Variants in ATXN7 observed in about 807,000 individuals in gnomAD.
ATXN7 encodes the protein ataxin 7, also known as ataxin-7.
A neutral mutation model predicts 70.5 loss-of-function variants in ATXN7; 12 were observed. The observed-to-expected ratio is 0.17, with a 90% CI of 0.11 to 0.28. The LOEUF is 0.28. ATXN7 is among the 10% of genes least tolerant of loss of function. The probability of loss-of-function intolerance (pLI) is 1.00; values close to 1 mark genes in which losing one functional copy is unlikely to be tolerated. For synonymous variants in ATXN7, 498 were observed against 448.7 expected (o/e 1.11, Z -1.39); for missense variants, 1,256 against 1,131.7 (o/e 1.11, Z -1.58).
intron 2 of ATXN7, among the ~76,000 whole-genome samples, chr3:63,902,665 A>G (rs2107272368): frequency 6.6e-6 from 1 of 152,112 alleles, no homozygotes; most frequent in Middle Eastern, 3.4e-3. Flanking sequence ...AGCACCATAT[A>G]CTCCATGAGG....
intron 4 of ATXN7, among the ~76,000 whole-genome samples, chr3:63,933,942 AG>A (rs2074609736): frequency 6.6e-6 from 1 of 151,278 alleles, no homozygotes; most frequent in Non-Finnish European, 1.5e-5. Flanking sequence ...TAAATTAGCC[AG>A]TATGGTTATT....
intron 4 of ATXN7, among the ~76,000 whole-genome samples, chr3:63,923,858 G>T (rs1704597805): frequency 6.6e-6 from 1 of 152,128 alleles, no homozygotes; most frequent in African/African-American, 2.4e-5. Context: ...AGAAGGGAAG[G>T]GGGAGGAATG....
chr3:63,957,591 T>C (rs879407377), intron 5 of ATXN7, among the ~76,000 whole-genome samples: 1 of 152,168 alleles, frequency 6.6e-6, no homozygotes, highest in Non-Finnish European at 1.5e-5. Flanking sequence ...GAAAAGAAAA[T>C]TATTTAATTT....
At chr3:63,965,208 A>G (rs2075199229) in intron 5 of ATXN7, among the ~76,000 whole-genome samples, 1 of 152,184 alleles carries the variant, frequency 6.6e-6, no homozygotes, top group Non-Finnish European at 1.5e-5. Flanking sequence ...CATAATAGCT[A>G]ACATTTGCTG....
chr3:63,888,090 C>T (rs1308299997), intron 1 of ATXN7, among the ~76,000 whole-genome samples: 3 of 152,038 alleles, frequency 2.0e-5, no homozygotes, highest in African/African-American at 4.8e-5. Context: ...ATTTTCACTC[C>T]CTTCTTCTCC....
At chr3:63,998,215 G>T in intron 12 of ATXN7, 1 of 971,248 alleles carries the variant, frequency 1.0e-6, no homozygotes, top group Non-Finnish European at 1.2e-6. Flanking sequence ...GGGGGGCCAG[G>T]TGGGGCACAG....
In ATXN7 at chr3:63,946,453, G is replaced by C. The variant is rs142995550; in HGVS notation, c.395-5926G>C. Among the ~76,000 whole-genome samples the C allele has an allele frequency of 5.1e-3, 780 of 152,126 alleles. 5 individuals carry two copies. The highest frequency in any genetic ancestry group is 0.018 in the African/African-American group (742 of 41,490). On this transcript the variant is annotated intron_variant, in intron 4 of 12. Transcript: ENST00000674280. The stretch of plus-strand genomic sequence containing the variant: ...AGGAGATTGAGACCATCCTGGCTAA[G>C]ACAGTGAAACCCGTTCTCTACTAAA...
At chr3:63,977,288 A>C (rs1485656115) in intron 5 of ATXN7, among the ~76,000 whole-genome samples, 1 of 152,248 alleles carries the variant, frequency 6.6e-6, no homozygotes, top group African/African-American at 2.4e-5. Context: ...TCTCAAAACA[A>C]GCTTCATAGC....
At chr3:63,869,093 C>T (rs949471386) in intron 1 of ATXN7, among the ~76,000 whole-genome samples, 1 of 152,204 alleles carries the variant, frequency 6.6e-6, no homozygotes, top group Non-Finnish European at 1.5e-5. Flanking sequence ...AATAAACTTG[C>T]TTCTACTATT....
intron 8 of ATXN7, among the ~76,000 whole-genome samples, chr3:63,985,399 T>C (rs964909344): frequency 2.0e-5 from 3 of 152,250 alleles, no homozygotes; most frequent in African/African-American, 7.2e-5. Flanking sequence ...GAGATCAGCA[T>C]AGAACTGGCA....
chr3:63,922,650 C>A (rs1704554642), intron 4 of ATXN7, among the ~76,000 whole-genome samples: 1 of 152,008 alleles, frequency 6.6e-6, no homozygotes, highest in Non-Finnish European at 1.5e-5. Context: ...ATCCTACTTA[C>A]ATGATTTTTT....
In ATXN7 at chr3:63,912,821, A is replaced by G. The variant is rs199663915; in HGVS notation, c.223A>G (p.Met75Val). The stretch of plus-strand genomic sequence containing the variant: ...CGCCGCCTCCACCTCGGCCGCCGCA[A>G]TGGCGACGGTCGGGGAGCGCAGGCC... The part of the protein sequence containing the change: ...PGAASTSAAA[M>V]ATVGERRPLP... The change falls in exon 3 of 13, where the codon ATG becomes GTG. Residue 75 changes from methionine to valine, a missense_variant. Met to Val is a conservative substitution (Grantham distance 21). Transcript: ENST00000674280. 7.5e-4 allele frequency: 1,173 copies of G among 1,572,926 alleles called. 9 individuals carry two copies. In the African/African-American group the frequency reaches 0.015, roughly 20 times the overall value.
chr3:63,985,592 T>G (rs2075564100), intron 8 of ATXN7, among the ~76,000 whole-genome samples: 2 of 152,262 alleles, frequency 1.3e-5, no homozygotes, highest in African/African-American at 4.8e-5. Flanking sequence ...AGGTCTCTTC[T>G]GTCTTAGACT....
intron 4 of ATXN7, among the ~76,000 whole-genome samples, chr3:63,939,935 G>A (rs984315138): frequency 1.3e-5 from 2 of 152,034 alleles, no homozygotes; most frequent in Admixed American, 1.3e-4. Flanking sequence ...CTAGCTCAGA[G>A]CTCATTCTGT....
chr3:63,926,120 G>T (rs1704705234), intron 4 of ATXN7, among the ~76,000 whole-genome samples: 1 of 152,142 alleles, frequency 6.6e-6, no homozygotes, highest in Non-Finnish European at 1.5e-5. Flanking sequence ...TTTCTCCCCG[G>T]TAAAACCCTT....
chr3:63,915,977 A>G, intron 4 of ATXN7, among the ~76,000 whole-genome samples: 1 of 151,948 alleles, frequency 6.6e-6, no homozygotes, highest in East Asian at 1.9e-4. Flanking sequence ...ATGAACCACC[A>G]CCCCCGCCAG....
At chr3:63,926,069 T>A (rs1379519833) in intron 4 of ATXN7, among the ~76,000 whole-genome samples, 1 of 152,236 alleles carries the variant, frequency 6.6e-6, no homozygotes, top group Non-Finnish European at 1.5e-5. Context: ...AAGTGGAATT[T>A]TAAAATGTAC....
chr3:63,958,744 AT>A (rs1321480323), intron 5 of ATXN7, among the ~76,000 whole-genome samples: 2 of 152,194 alleles, frequency 1.3e-5, no homozygotes. Context: ...TTTACAGAGA[AT>A]TTTTGCATGT....
intron 8 of ATXN7, among the ~76,000 whole-genome samples, chr3:63,985,456 CT>C (rs2075560959): frequency 1.3e-5 from 2 of 152,178 alleles, no homozygotes; most frequent in South Asian, 2.1e-4. Flanking sequence ...GATGACTTGA[CT>C]TTTTTTCATT....
Sources: allele counts gnomAD v4.1 joint callset (sites outside exome capture counted in the v4.1 genomes callset), GRCh38; gene constraint gnomAD v4.1.1; transcripts MANE v1.5; gene names NCBI Gene and HGNC (gene_info 2026-07-23, HGNC 2026-07-21).